Variants in SPADH observed in about 807,000 individuals in gnomAD.
The protein encoded by SPADH is CUB domain-containing protein.
At chr10:122,673,057 A>T in the SPADH span, 9 of 349,470 alleles carry the variant, frequency 2.6e-5, no homozygotes, top group Non-Finnish European at 2.8e-5. Context: ...ACTCTCTTCC[A>T]TACAGAATGT....
chr10:122,678,305 C>T, the SPADH span, among the ~76,000 whole-genome samples: 1 of 152,114 alleles, frequency 6.6e-6, no homozygotes, highest in Non-Finnish European at 1.5e-5. Context: ...ATAGAGACCC[C>T]TCTCTCCTCT....
At chr10:122,677,276 C>T in the SPADH span, among the ~76,000 whole-genome samples, 531 of 152,284 alleles carry the variant, frequency 3.5e-3, 2 homozygotes, top group African/African-American at 0.012. Context: ...GACTCATCTG[C>T]CCTCTGCAAA....
chr10:122,673,286 C>T, the SPADH span, among the ~76,000 whole-genome samples: 1 of 152,152 alleles, frequency 6.6e-6, no homozygotes, highest in Non-Finnish European at 1.5e-5. Flanking sequence ...CGAGGCTTTC[C>T]AGGTGGTCTG....
the SPADH span, among the ~76,000 whole-genome samples, chr10:122,676,160 A>C: frequency 2.0e-5 from 3 of 152,252 alleles, no homozygotes; most frequent in Non-Finnish European, 4.4e-5. Context: ...CTTGCGATGC[A>C]GGGTGGCTTG....
At chr10:122,679,082 C>T in the SPADH span, 7 of 883,208 alleles carry the variant, frequency 7.9e-6, no homozygotes, top group African/African-American at 3.6e-5. Flanking sequence ...CCTGCTGATG[C>T]TCCCCTGCTC....
At chr10:122,672,875 G>A in the SPADH span, 2 of 985,316 alleles carry the variant, frequency 2.0e-6, no homozygotes, top group Non-Finnish European at 2.4e-6. Context: ...GCCAGGCCCT[G>A]CTGAGGATGA....
chr10:122,675,727 T>C, the SPADH span: 1 of 801,998 alleles, frequency 1.2e-6, no homozygotes, highest in Non-Finnish European at 1.5e-6. Context: ...AGACACTGTT[T>C]TGGGGTTGAA....
the SPADH span, chr10:122,675,609 C>T: frequency 1.0e-6 from 1 of 971,510 alleles, no homozygotes; most frequent in Non-Finnish European, 1.2e-6. Flanking sequence ...TTCAGATTTT[C>T]ATGGTTTTTT....
chr10:122,678,250 A>G, the SPADH span, among the ~76,000 whole-genome samples: 1 of 152,132 alleles, frequency 6.6e-6, no homozygotes, highest in Non-Finnish European at 1.5e-5. Flanking sequence ...GAGGTCTCCT[A>G]GGACTGAGAA....
At chr10:122,679,070 C>G in the SPADH span, 1 of 953,680 alleles carries the variant, frequency 1.0e-6, no homozygotes, top group East Asian at 1.2e-4. Context: ...GGGGAAGAGG[C>G]ACCTGCTGAT....
chr10:122,673,811 C>G, the SPADH span, among the ~76,000 whole-genome samples: 3 of 152,172 alleles, frequency 2.0e-5, no homozygotes, highest in African/African-American at 7.2e-5. Flanking sequence ...CGCTGCTCCA[C>G]TTTGCTGACT....
At chr10:122,674,779 G>A in the SPADH span, among the ~76,000 whole-genome samples, 2 of 152,240 alleles carry the variant, frequency 1.3e-5, no homozygotes, top group Admixed American at 1.3e-4. Flanking sequence ...TGGGCATTGG[G>A]CCATGGGCTC....
the SPADH span, among the ~76,000 whole-genome samples, chr10:122,678,407 C>A: frequency 6.6e-6 from 1 of 152,188 alleles, no homozygotes; most frequent in Non-Finnish European, 1.5e-5. Flanking sequence ...AGGCAGGAAC[C>A]AGGGAGTGGT....
chr10:122,679,260 C>A, the SPADH span, among the ~76,000 whole-genome samples: 1 of 152,118 alleles, frequency 6.6e-6, no homozygotes, highest in Non-Finnish European at 1.5e-5. Flanking sequence ...TCTGTACACC[C>A]ACATCTTTAG....
At chr10:122,675,883 A>G in the SPADH span, among the ~76,000 whole-genome samples, 1 of 151,774 alleles carries the variant, frequency 6.6e-6, no homozygotes, top group African/African-American at 2.4e-5. Flanking sequence ...CAACTTCCCC[A>G]ACACCTCCAA....
chr10:122,677,414 G>A, the SPADH span, among the ~76,000 whole-genome samples: 1 of 151,170 alleles, frequency 6.6e-6, no homozygotes, highest in East Asian at 2.0e-4. Context: ...AATACCCCTG[G>A]AAAGCTCTAC....
chr10:122,676,163 G>A, the SPADH span, among the ~76,000 whole-genome samples: 1 of 152,252 alleles, frequency 6.6e-6, no homozygotes, highest in Non-Finnish European at 1.5e-5. Context: ...GCGATGCAGG[G>A]TGGCTTGTTG....
At chr10:122,678,897 G>C in the SPADH span, 1 of 984,782 alleles carries the variant, frequency 1.0e-6, no homozygotes, top group Non-Finnish European at 1.2e-6. Flanking sequence ...GGACCTCCAG[G>C]GTCTGAGTCC....
the SPADH span, among the ~76,000 whole-genome samples, chr10:122,674,111 A>G: frequency 6.6e-6 from 1 of 152,340 alleles, no homozygotes; most frequent in East Asian, 1.9e-4. Context: ...AGACAACTTG[A>G]TGAAAAAGAG....
Sources: gnomAD v4.1 joint callset for allele counts (sites outside exome capture counted in the v4.1 genomes callset) on GRCh38, gnomAD v4.1.1 for gene constraint, MANE v1.5 for transcripts, NCBI Gene and HGNC (gene_info 2026-07-23, HGNC 2026-07-21) for gene names.